The following CARMIL1 variants were observed in gnomAD, a reference collection of about 807,000 sequenced individuals.
The protein encoded by CARMIL1 is capping protein regulator and myosin 1 linker 1.
Under a neutral mutation model 177.1 loss-of-function variants are expected in CARMIL1, and 90 were observed. The observed-to-expected ratio is 0.51, with a 90% CI of 0.43 to 0.61. The LOEUF is 0.61. CARMIL1 is among the 20% of genes least tolerant of loss of function. The probability of loss-of-function intolerance (pLI) is 0.00; values close to 1 mark genes in which losing one functional copy is unlikely to be tolerated. For synonymous variants in CARMIL1, 577 were observed against 606.2 expected (o/e 0.95, Z 0.71); for missense variants, 1,380 against 1,667.0 (o/e 0.83, Z 3.00).
intron 2 of CARMIL1, among the ~76,000 whole-genome samples, chr6:25,357,847 A>G (rs1398196911): frequency 6.6e-6 from 1 of 152,230 alleles, no homozygotes; most frequent in African/African-American, 2.4e-5. Context: ...TAAGGTGGAA[A>G]TAATGCAGTA....
intron 4 of CARMIL1, among the ~76,000 whole-genome samples, chr6:25,430,247 G>T: frequency 7.2e-6 from 1 of 139,570 alleles, no homozygotes; most frequent in African/African-American, 2.6e-5. Flanking sequence ...TAACATTTTT[G>T]GCTGGCTTCT....
chr6:25,529,854 C>T (rs1321632215), intron 24 of CARMIL1, among the ~76,000 whole-genome samples: 1 of 149,418 alleles, frequency 6.7e-6, no homozygotes, highest in Non-Finnish European at 1.5e-5. Context: ...AATTGTGATA[C>T]TGTAGTACAG....
intron 2 of CARMIL1, among the ~76,000 whole-genome samples, chr6:25,290,085 T>C (rs1781822241): frequency 6.6e-6 from 1 of 152,202 alleles, no homozygotes; most frequent in Non-Finnish European, 1.5e-5. Context: ...TTGGCAGCAT[T>C]TGTCATTGTC....
At chr6:25,451,992 CCCT>C (rs1234088282) in intron 8 of CARMIL1, 33 of 76,210 alleles carry the variant, frequency 4.3e-4, no homozygotes, top group East Asian at 1.4e-3. Context: ...TCTTGCCCCC[CCCT>C]CCCCCCCCCA....
At chr6:25,394,211 C>T (rs17316893) in intron 2 of CARMIL1, among the ~76,000 whole-genome samples, 7,947 of 152,232 alleles carry the variant, frequency 0.052, 273 homozygotes, top group Non-Finnish European at 0.088. Flanking sequence ...GAGCCCTTCC[C>T]GCTATGATTT....
chr6:25,404,471 T>C (rs1454375249), intron 2 of CARMIL1, among the ~76,000 whole-genome samples: 1 of 152,136 alleles, frequency 6.6e-6, no homozygotes, highest in African/African-American at 2.4e-5. Context: ...TTAAACATAA[T>C]AGAGGCTGGG....
intron 2 of CARMIL1, among the ~76,000 whole-genome samples, chr6:25,351,455 T>G (rs374840382): frequency 4.6e-5 from 7 of 152,372 alleles, no homozygotes; most frequent in African/African-American, 1.7e-4. Flanking sequence ...AGCAGCCTGT[T>G]GTCTAGATCT....
At chr6:25,495,276 C>T in intron 16 of CARMIL1, 61 bp downstream of exon 16, 1 of 1,156,912 alleles carries the variant, frequency 8.6e-7, no homozygotes, top group Non-Finnish European at 1.2e-6. Flanking sequence ...TACGAATGTG[C>T]TTGAGGGAAG....
chr6:25,382,572 C>T (rs530960560), intron 2 of CARMIL1, among the ~76,000 whole-genome samples: 7 of 152,246 alleles, frequency 4.6e-5, no homozygotes, highest in East Asian at 3.9e-4. Flanking sequence ...TATTTGTCCC[C>T]GCCTATGTCC....
At chr6:25,283,557 AG>A (rs1320895929) in intron 1 of CARMIL1, among the ~76,000 whole-genome samples, 1 of 152,062 alleles carries the variant, frequency 6.6e-6, no homozygotes, top group Non-Finnish European at 1.5e-5. Flanking sequence ...TGGGAGCCCT[AG>A]GAAGACTTTT....
chr6:25,428,930 A>G (rs148807026), intron 4 of CARMIL1, among the ~76,000 whole-genome samples: 1 of 152,356 alleles, frequency 6.6e-6, no homozygotes, highest in East Asian at 1.9e-4. Flanking sequence ...GCTTTTAAAA[A>G]TAGACTTCAT....
intron 2 of CARMIL1, among the ~76,000 whole-genome samples, chr6:25,306,792 A>G (rs564902739): frequency 3.7e-4 from 55 of 150,590 alleles, no homozygotes; most frequent in African/African-American, 1.3e-3. Context: ...TCCTTCTTTC[A>G]GTTCTTTTGA....
At chr6:25,486,306 T>G (rs994925124) in intron 12 of CARMIL1, among the ~76,000 whole-genome samples, 5 of 152,316 alleles carry the variant, frequency 3.3e-5, no homozygotes, top group Non-Finnish European at 1.5e-5. Flanking sequence ...AAATCCTTCA[T>G]GCTGTTTCAG....
chr6:25,364,476 A>G (rs191602508), intron 2 of CARMIL1, among the ~76,000 whole-genome samples: 156 of 152,268 alleles, frequency 1.0e-3, no homozygotes, highest in African/African-American at 3.5e-3. Context: ...ACAACATGTA[A>G]CCTTTTGAGA....
chr6:25,381,833 T>C (rs1791578976), intron 2 of CARMIL1, among the ~76,000 whole-genome samples: 1 of 152,102 alleles, frequency 6.6e-6, no homozygotes, highest in African/African-American at 2.4e-5. Flanking sequence ...TGGTGATTAG[T>C]TCAATCTCCA....
intron 2 of CARMIL1, 42 bp downstream of exon 2, chr6:25,284,951 A>AAACAC: frequency 4.0e-6 from 5 of 1,235,206 alleles, no homozygotes; most frequent in Admixed American, 2.0e-5. Flanking sequence ...TTGGAAATGA[A>AAACAC]AGTGTGTTTT....
In CARMIL1 at chr6:25,491,925, A is replaced by G. The variant is rs779147362; in HGVS notation, c.1144-23A>G. The G allele has an allele frequency of 1.9e-6, 3 of 1,608,186 alleles. No individual in the cohort carries two copies. In the South Asian group the frequency reaches 3.3e-5, roughly 18 times the overall value. ...CTGGACCTAGAAATACTTGAAAAGAAGAGTGCCTTATTTCTTTTTCAGGTC... is the reference window on the plus strand; with the variant it reads ...CTGGACCTAGAAATACTTGAAAAGAGGAGTGCCTTATTTCTTTTTCAGGTC... On this transcript the variant is annotated intron_variant, in intron 14 of 36. Transcript: ENST00000329474.
intron 17 of CARMIL1, among the ~76,000 whole-genome samples, chr6:25,503,600 G>A (rs370690170): frequency 3.9e-5 from 6 of 152,076 alleles, no homozygotes; most frequent in African/African-American, 7.2e-5. Context: ...TTACTATCAC[G>A]GAAGTTTAAA....
chr6:25,316,718 T>C (rs986278258), intron 2 of CARMIL1, among the ~76,000 whole-genome samples: 1 of 152,074 alleles, frequency 6.6e-6, no homozygotes, highest in Non-Finnish European at 1.5e-5. Flanking sequence ...CCATTATTAT[T>C]ATAATTTTTT....
Sources: allele counts gnomAD v4.1 joint callset (sites outside exome capture counted in the v4.1 genomes callset), GRCh38; gene constraint gnomAD v4.1.1; transcripts MANE v1.5; gene names NCBI Gene and HGNC (gene_info 2026-07-23, HGNC 2026-07-21).